Variants in KDM4C observed in about 807,000 individuals in gnomAD.
KDM4C encodes the protein lysine demethylase 4C, also known as lysine-specific demethylase 4C.
KDM4C carries 81 observed loss-of-function variants against 129.3 expected under a neutral mutation model. The observed-to-expected ratio is 0.63, with a 90% CI of 0.52 to 0.75. The LOEUF (loss-of-function observed/expected upper bound fraction) is 0.75, where lower values mean the gene tolerates loss of function less well. Ranked by LOEUF, KDM4C falls within the 30% of genes least tolerant of loss-of-function variation. The pLI is 0.00. For synonymous variants in KDM4C, 573 were observed against 456.1 expected (o/e 1.26, Z -3.26); for missense variants, 1,457 against 1,304.0 (o/e 1.12, Z -1.81).
At chr9:6,867,452 A>T (rs1423683493) in intron 5 of KDM4C, among the ~76,000 whole-genome samples, 3 of 152,246 alleles carry the variant, frequency 2.0e-5, no homozygotes, top group Non-Finnish European at 4.4e-5. Context: ...TAATGTTCTC[A>T]GAAGATTCCT....
chr9:6,868,172 C>A (rs1362069346), intron 5 of KDM4C, among the ~76,000 whole-genome samples: 1 of 151,866 alleles, frequency 6.6e-6, no homozygotes, highest in African/African-American at 2.4e-5. Flanking sequence ...AGATAAAAAG[C>A]CCCCCGAGAG....
intron 17 of KDM4C, among the ~76,000 whole-genome samples, chr9:7,089,313 A>G (rs949049942): frequency 6.6e-6 from 1 of 152,194 alleles, no homozygotes; most frequent in Non-Finnish European, 1.5e-5. Context: ...GGGAAAAATT[A>G]TATACAGAGC....
chr9:7,074,934 A>T (rs1833720267), intron 17 of KDM4C, among the ~76,000 whole-genome samples: 1 of 152,190 alleles, frequency 6.6e-6, no homozygotes, highest in Non-Finnish European at 1.5e-5. Flanking sequence ...AGGTCTCAGG[A>T]TGTCTGACAA....
chr9:7,019,701 A>ATTTTTATATATAAAAATATAATG (rs1824331585), intron 15 of KDM4C, among the ~76,000 whole-genome samples: 1 of 104,200 alleles, frequency 9.6e-6, no homozygotes, highest in Non-Finnish European at 1.8e-5. Flanking sequence ...AAAATATAAT[A>ATTTTTATATATAAAAATATAATG]TTTTTATATA....
chr9:7,122,237 T>G (rs1839558980), intron 18 of KDM4C, among the ~76,000 whole-genome samples: 1 of 103,064 alleles, frequency 9.7e-6, no homozygotes, highest in Non-Finnish European at 2.0e-5. Flanking sequence ...CAGTGGGAGA[T>G]GCCACACACA....
intron 16 of KDM4C, 44 bp downstream of exon 16, chr9:7,046,961 C>A: frequency 2.2e-6 from 3 of 1,372,000 alleles, no homozygotes; most frequent in South Asian, 1.2e-5. Flanking sequence ...ATTTTTCTTT[C>A]TCCATTCTAG....
chr9:7,162,351 G>A (rs7868863), intron 19 of KDM4C, among the ~76,000 whole-genome samples: 26,360 of 152,208 alleles, frequency 0.17, 2,519 homozygotes, highest in Middle Eastern at 0.32. Flanking sequence ...AGGATACAGA[G>A]CAACGTTAGG....
chr9:6,795,231 C>G (rs1397692752), intron 2 of KDM4C, among the ~76,000 whole-genome samples: 1 of 152,214 alleles, frequency 6.6e-6, no homozygotes, highest in East Asian at 1.9e-4. Flanking sequence ...TGTTCAACTC[C>G]TCCTGCAAAT....
intron 4 of KDM4C, among the ~76,000 whole-genome samples, chr9:6,823,061 G>A (rs1564094303): frequency 6.6e-6 from 1 of 152,138 alleles, no homozygotes; most frequent in African/African-American, 2.4e-5. Flanking sequence ...TTAAATAGAG[G>A]TATAAAATGA....
chr9:6,867,817 T>C (rs1201504989), intron 5 of KDM4C, among the ~76,000 whole-genome samples: 1 of 152,154 alleles, frequency 6.6e-6, no homozygotes, highest in African/African-American at 2.4e-5. Context: ...CACACAAAGC[T>C]TTTAGCCCCT....
intron 4 of KDM4C, among the ~76,000 whole-genome samples, chr9:6,838,045 A>G (rs984658314): frequency 2.0e-5 from 3 of 152,168 alleles, no homozygotes; most frequent in African/African-American, 7.2e-5. Flanking sequence ...GCTTGTTAAT[A>G]CTGGTTAACT....
At chr9:7,156,100 T>G (rs944554160) in intron 19 of KDM4C, among the ~76,000 whole-genome samples, 9 of 152,240 alleles carry the variant, frequency 5.9e-5, no homozygotes, top group Non-Finnish European at 8.8e-5. Flanking sequence ...ATTTCTCTGA[T>G]GACCAGTCAT....
intron 19 of KDM4C, among the ~76,000 whole-genome samples, chr9:7,142,766 T>A (rs191134670): frequency 4.6e-5 from 7 of 152,282 alleles, no homozygotes; most frequent in African/African-American, 1.7e-4. Context: ...AGATGAAAAG[T>A]GCATTCCTGC....
At chr9:7,022,580 C>G (rs1258469390) in intron 15 of KDM4C, among the ~76,000 whole-genome samples, 1 of 150,406 alleles carries the variant, frequency 6.6e-6, no homozygotes, top group East Asian at 1.9e-4. Context: ...AAGATTATAT[C>G]ATCTGCAAAC....
intron 19 of KDM4C, among the ~76,000 whole-genome samples, chr9:7,131,061 C>T (rs1840582054): frequency 6.8e-6 from 1 of 147,406 alleles, no homozygotes; most frequent in Non-Finnish European, 1.5e-5. Flanking sequence ...GAGCCACTGC[C>T]ATTGGCCTAA....
chr9:7,070,444 A>G (rs1008402822), intron 17 of KDM4C, among the ~76,000 whole-genome samples: 1 of 152,178 alleles, frequency 6.6e-6, no homozygotes, highest in African/African-American at 2.4e-5. Flanking sequence ...CTGTAGACCC[A>G]TATTCATCAT....
chr9:6,882,154 T>G (rs902865445), intron 6 of KDM4C, among the ~76,000 whole-genome samples: 3 of 152,202 alleles, frequency 2.0e-5, no homozygotes, highest in Non-Finnish European at 2.9e-5. Flanking sequence ...TTTATACAGG[T>G]TTTCCCCATA....
intron 8 of KDM4C, among the ~76,000 whole-genome samples, chr9:6,936,850 A>G (rs907168234): frequency 5.3e-5 from 8 of 152,220 alleles, no homozygotes; most frequent in Non-Finnish European, 5.9e-5. Context: ...AGCTAAGGTA[A>G]TAAGACCTCC....
intron 5 of KDM4C, among the ~76,000 whole-genome samples, chr9:6,859,336 G>A (rs951773527): frequency 5.3e-5 from 8 of 151,914 alleles, no homozygotes; most frequent in Non-Finnish European, 8.8e-5. Flanking sequence ...TTAGTTCGAC[G>A]TAGTGGCCCA....
Sources: allele counts gnomAD v4.1 joint callset (sites outside exome capture counted in the v4.1 genomes callset), GRCh38; gene constraint gnomAD v4.1.1; transcripts MANE v1.5; gene names NCBI Gene and HGNC (gene_info 2026-07-23, HGNC 2026-07-21).